Variants in SLC43A2 observed in about 807,000 individuals in gnomAD.
SLC43A2 encodes large neutral amino acids transporter small subunit 4.
A neutral mutation model predicts 63.2 loss-of-function variants in SLC43A2; 38 were observed. The ratio of observed to expected loss-of-function variants is 0.60; its 90% CI spans 0.46 to 0.79. The LOEUF (loss-of-function observed/expected upper bound fraction) is 0.79, where lower values mean the gene tolerates loss of function less well. Among genes scored for constraint, SLC43A2 ranks in the 30% least tolerant of loss-of-function variants. The pLI is 0.00. For synonymous variants in SLC43A2, 322 were observed against 331.0 expected (o/e 0.97, Z 0.30); for missense variants, 644 against 756.2 (o/e 0.85, Z 1.74).
In SLC43A2 at chr17:1,602,370, G is replaced by T. The variant is rs562810029; in HGVS notation, c.502-9091C>A. On this transcript the variant is annotated intron_variant, in intron 5 of 13. Transcript: ENST00000301335. ...TTAAAGACATTCATTCACAGGCCGGGCACGGTGGCTCACACCTGTAATCCC... is the reference window on the plus strand; with the variant it reads ...TTAAAGACATTCATTCACAGGCCGGTCACGGTGGCTCACACCTGTAATCCC... 3.2e-3 allele frequency among the ~76,000 whole-genome samples: 481 copies of T among 152,204 alleles called. 2 individuals carry two copies. The highest frequency in any genetic ancestry group is 4.7e-3 in the Non-Finnish European group (321 of 68,026).
chr17:1,586,927 A>AGGGCCCCCCCC, intron 9 of SLC43A2: 44 of 1,355,692 alleles, frequency 3.2e-5, no homozygotes, highest in Non-Finnish European at 4.2e-5. Flanking sequence ...TTCCCTGACA[A>AGGGCCCCCCCC]TCCCCCCCAC....
intron 4 of SLC43A2, among the ~76,000 whole-genome samples, chr17:1,614,210 T>A (rs1907384587): frequency 6.6e-6 from 1 of 151,920 alleles, no homozygotes; most frequent in Admixed American, 6.6e-5. Flanking sequence ...GCCATTGCAC[T>A]CCAGCCCGGG....
Position 1,576,579 on chromosome 17 carries a change from T to C in SLC43A2, c.1548+18A>G. ...GGGGGCAGGCGCCCATGACCCACCA[T>C]CCCCCGACCCCTCTTACCCACAGAG... On this transcript the variant is annotated intron_variant, in intron 13 of 13. Coordinates refer to ENST00000301335, the MANE Select transcript of SLC43A2 (RefSeq NM_152346.3). 1 of 1,590,898 alleles carries C rather than the reference T, an allele frequency of 6.3e-7. No individual in the cohort carries two copies.
chr17:1,586,927 A>AGGGGCCCCCCCCCCC, intron 9 of SLC43A2: 1 of 1,355,940 alleles, frequency 7.4e-7, no homozygotes, highest in Non-Finnish European at 1.0e-6. Flanking sequence ...TTCCCTGACA[A>AGGGGCCCCCCCCCCC]TCCCCCCCAC....
intron 5 of SLC43A2, among the ~76,000 whole-genome samples, chr17:1,602,176 T>C (rs1231063717): frequency 6.6e-6 from 1 of 152,138 alleles, no homozygotes; most frequent in Admixed American, 6.5e-5. Context: ...CAGCTTTGTT[T>C]TAATTATTTT....
intron 5 of SLC43A2, among the ~76,000 whole-genome samples, chr17:1,610,945 A>T (rs1281597250): frequency 6.7e-6 from 1 of 150,324 alleles, no homozygotes; most frequent in Non-Finnish European, 1.5e-5. Context: ...GCCTCAAGCG[A>T]TTCTCCTGCC....
rs930345090 is a variant in SLC43A2 at position 1,583,938 on chromosome 17, C to T, written c.1218-602G>A. Reference sequence around the variant, plus strand: ...TGAGATGGAGTCTCGCTCTGTCACCCGGGCTGGAGTGCAGTGGTGTGATCT... The same window carrying T: ...TGAGATGGAGTCTCGCTCTGTCACCTGGGCTGGAGTGCAGTGGTGTGATCT... On this transcript the variant is annotated intron_variant, in intron 10 of 13. Transcript: ENST00000301335. This position sits in a 1 kb window ranked among gnomAD's most constrained non-coding sequence, Gnocchi z 5.5. 2.6e-5 allele frequency among the ~76,000 whole-genome samples: 4 copies of T among 152,082 alleles called. No individual in the cohort carries two copies. Among genetic ancestry groups the T allele is most frequent in the Admixed American group, 6.5e-5 (1 of 15,278 alleles).
chr17:1,627,043 G>A (rs1908722135), intron 2 of SLC43A2, among the ~76,000 whole-genome samples: 1 of 152,198 alleles, frequency 6.6e-6, no homozygotes, highest in Non-Finnish European at 1.5e-5. Context: ...CCAGTGACAA[G>A]GCAAAGAGGA....
At chr17:1,598,024 C>T (rs149964336) in intron 5 of SLC43A2, among the ~76,000 whole-genome samples, 163 of 152,320 alleles carry the variant, frequency 1.1e-3, no homozygotes, top group African/African-American at 3.6e-3. Context: ...AAGGCATCTC[C>T]GTGGCCATAT....
intron 5 of SLC43A2, among the ~76,000 whole-genome samples, chr17:1,597,777 C>A (rs934834897): frequency 6.6e-6 from 1 of 150,898 alleles, no homozygotes; most frequent in Non-Finnish European, 1.5e-5. Flanking sequence ...CCACCCTGGG[C>A]GACAGAGTGA....
chr17:1,585,893 C>A lies in SLC43A2; in HGVS notation c.1217+20G>T. 3 of 1,613,432 alleles carry A rather than the reference C, an allele frequency of 1.9e-6. No individual in the cohort carries two copies. Among genetic ancestry groups the A allele is most frequent in the Non-Finnish European group, 1.7e-6 (2 of 1,179,976 alleles). On this transcript the variant is annotated intron_variant, in intron 10 of 13. Transcript: ENST00000301335. ...AGGGGCTGCGGGCTGGGAGCCGGGG[C>A]ACCGGCCCTGCCTACGCACTGGTTG...
At chr17:1,602,196 A>C (rs1406473067) in intron 5 of SLC43A2, among the ~76,000 whole-genome samples, 1 of 152,160 alleles carries the variant, frequency 6.6e-6, no homozygotes, top group Admixed American at 6.6e-5. Context: ...TTATAGAGAC[A>C]GGGTCTCACT....
At chr17:1,602,885 A>C (rs1180820752) in intron 5 of SLC43A2, among the ~76,000 whole-genome samples, 2 of 150,638 alleles carry the variant, frequency 1.3e-5, no homozygotes, top group East Asian at 4.0e-4. Flanking sequence ...CAGCCTCCCA[A>C]GTAGCTGGGA....
intron 3 of SLC43A2, among the ~76,000 whole-genome samples, chr17:1,615,652 G>A (rs369598092): frequency 6.7e-6 from 1 of 149,958 alleles, no homozygotes; most frequent in Non-Finnish European, 1.5e-5. Context: ...GACCATCCTG[G>A]CTAACACAGT....
chr17:1,620,479 C>A (rs1385365341), intron 2 of SLC43A2, among the ~76,000 whole-genome samples: 1 of 152,122 alleles, frequency 6.6e-6, no homozygotes, highest in African/African-American at 2.4e-5. Flanking sequence ...ATCTGTCCTT[C>A]CCATCTTTTA....
chr17:1,623,620 G>A (rs1206766466), intron 2 of SLC43A2, among the ~76,000 whole-genome samples: 2 of 143,758 alleles, frequency 1.4e-5, no homozygotes, highest in East Asian at 3.9e-4. Context: ...CCTCCAGGGT[G>A]TACCCTCCTC....
intron 5 of SLC43A2, among the ~76,000 whole-genome samples, chr17:1,600,152 A>ATATATATATATATATATATATT (rs1216616243): frequency 5.0e-5 from 3 of 60,278 alleles, no homozygotes; most frequent in Non-Finnish European, 6.4e-5. Flanking sequence ...ATATATATAT[A>ATATATATATATATATATATATT]TTTTTTTTTT....
chr17:1,619,677 G>A (rs1334921774), intron 2 of SLC43A2, among the ~76,000 whole-genome samples: 1 of 152,232 alleles, frequency 6.6e-6, no homozygotes. Context: ...GTGAGTTGGT[G>A]TTGGTTTCAA....
intron 10 of SLC43A2, chr17:1,585,327 C>T (rs1465954409): frequency 2.6e-6 from 2 of 771,182 alleles, no homozygotes; most frequent in South Asian, 7.6e-5. Context: ...CTGCAACCTC[C>T]ACCTCCCGGG....
Sources: gnomAD v4.1 joint callset for allele counts (sites outside exome capture counted in the v4.1 genomes callset) on GRCh38, gnomAD v4.1.1 for gene constraint, Gnocchi (gnomAD v3.1) non-coding constraint, MANE v1.5 for transcripts, NCBI Gene and HGNC (gene_info 2026-07-23, HGNC 2026-07-21) for gene names.